Variants in SRCIN1 observed in about 807,000 individuals in gnomAD.
SRCIN1 encodes the protein SRC kinase signaling inhibitor 1.
A neutral mutation model predicts 116.2 loss-of-function variants in SRCIN1; 50 were observed. That is an observed-to-expected ratio of 0.43 (90% CI 0.34 to 0.54). The LOEUF is 0.54. SRCIN1 is among the 20% of genes least tolerant of loss of function. The pLI is 0.02. For synonymous variants in SRCIN1, 736 were observed against 750.0 expected (o/e 0.98, Z 0.30); for missense variants, 1,446 against 1,672.0 (o/e 0.86, Z 2.36).
Position 38,552,494 on chromosome 17 carries a change from G to A in SRCIN1, c.2433C>T (p.Leu811=). ...CCGTGACCCCGCGGCAGCGCTTGAG[G>A]AGCCCATCCAGGCGCTGGGGCTCCT... ...LKEEPQRLDG[L]LKRCRGVTDT... Residue 811 remains leucine, a synonymous_variant, in exon 13 of 19, where the codon CTC becomes CTT. Coordinates refer to ENST00000617146, the MANE Select transcript of SRCIN1 (RefSeq NM_025248.3). This position sits in a 1 kb window ranked among gnomAD's most constrained non-coding sequence, Gnocchi z 5.3. 1 of 1,604,744 alleles carries A rather than the reference G, an allele frequency of 6.2e-7. No individual in the cohort carries two copies. Among genetic ancestry groups the A allele is most frequent in the South Asian group, 1.1e-5 (1 of 89,584 alleles).
intron 11 of SRCIN1, among the ~76,000 whole-genome samples, chr17:38,553,982 T>A (rs1288180409): frequency 6.6e-6 from 1 of 152,110 alleles, no homozygotes; most frequent in Non-Finnish European, 1.5e-5. Flanking sequence ...GAGGCCGAGG[T>A]GGGCTGATCA....
intron 1 of SRCIN1, among the ~76,000 whole-genome samples, chr17:38,589,846 C>G (rs889827500): frequency 3.9e-5 from 6 of 152,210 alleles, no homozygotes; most frequent in Non-Finnish European, 8.8e-5. Flanking sequence ...GATTCTCTCT[C>G]CCTAGGGACA....
Position 38,562,684 on chromosome 17 carries a change from A to G in SRCIN1, c.834+143T>C, listed in dbSNP as rs955824839. ...AATGGAGGGGAAAGTGGCAGGTGGGACAGGGGCTCTTCCCTAACCCCTCAG... is the reference window on the plus strand; with the variant it reads ...AATGGAGGGGAAAGTGGCAGGTGGGGCAGGGGCTCTTCCCTAACCCCTCAG... On this transcript the variant is annotated intron_variant, in intron 6 of 18. Transcript: ENST00000617146. The surrounding 1 kb of genome is among the most constrained non-coding windows in gnomAD (Gnocchi z 4.2). 1.3e-5 allele frequency: 9 copies of G among 716,522 alleles called. No homozygotes were observed. Among genetic ancestry groups the G allele is most frequent in the South Asian group, 5.2e-5 (3 of 57,872 alleles). 44.4% of individuals were successfully genotyped at this position (716,522 alleles called of 1,614,324 possible).
chr17:38,567,504 G>T (rs1906800321), intron 3 of SRCIN1, among the ~76,000 whole-genome samples: 1 of 152,168 alleles, frequency 6.6e-6, no homozygotes, highest in East Asian at 1.9e-4. Flanking sequence ...CACCTGGGGA[G>T]TCTGGGTGGG....
intron 7 of SRCIN1, among the ~76,000 whole-genome samples, chr17:38,560,990 G>T (rs1165581922): frequency 3.9e-5 from 6 of 152,216 alleles, no homozygotes; most frequent in Admixed American, 3.9e-4. Context: ...GATGGGCAGG[G>T]GCTCCTCAGC....
intron 1 of SRCIN1, among the ~76,000 whole-genome samples, chr17:38,599,956 C>T (rs1484281716): frequency 2.0e-5 from 3 of 152,198 alleles, no homozygotes; most frequent in African/African-American, 7.2e-5. Flanking sequence ...AGATGTCTGT[C>T]CCCTATCCCC....
rs576897529 is a variant in SRCIN1, at chr17:38,558,373, C to A, written c.2055G>T (p.Leu685=). The change falls in exon 11 of 19, where the codon CTG becomes CTT. Residue 685 remains leucine, a synonymous_variant. Transcript: ENST00000617146. The surrounding 1 kb of genome is among the most constrained non-coding windows in gnomAD (Gnocchi z 4.6). ...QLQNQESVRA[L]LKRTEAELSM... is the part of the protein sequence containing the mutation. ...TCAGCTCTGCCTCCGTGCGCTTCAG[C>A]AGCGCGCGCACCGACTCCTGGTTCT... 1 of 1,605,472 alleles carries A rather than the reference C, an allele frequency of 6.2e-7. No homozygotes were observed.
intron 11 of SRCIN1, among the ~76,000 whole-genome samples, chr17:38,556,027 C>T (rs897606657): frequency 3.9e-5 from 6 of 152,182 alleles, no homozygotes; most frequent in Admixed American, 2.0e-4. Flanking sequence ...GTTGGGGGGC[C>T]TCTAACCTGG....
intron 3 of SRCIN1, among the ~76,000 whole-genome samples, chr17:38,565,408 TA>T (rs1177291024): frequency 4.6e-5 from 7 of 152,250 alleles, no homozygotes; most frequent in African/African-American, 1.7e-4. Flanking sequence ...TGCCCAATTA[TA>T]TTTTTTTGTA....
At position 38,563,558 on chromosome 17, in the gene SRCIN1, C is replaced by A. The variant is rs118094989; in HGVS notation, c.542-37G>T. 1,226 of 1,540,492 alleles carry A rather than the reference C, an allele frequency of 8.0e-4. 22 individuals are homozygous for A. The East Asian group carries it at 0.027, about 34-fold the overall frequency. On this transcript the variant is annotated intron_variant, in intron 4 of 18. Coordinates refer to ENST00000617146, the MANE Select transcript of SRCIN1 (RefSeq NM_025248.3). The surrounding 1 kb of genome is among the most constrained non-coding windows in gnomAD (Gnocchi z 5.8). ...ACGCCGCCCTCGCTGTCACTGCTGC[C>A]GTCTCCACGCCGCCCTCCAGGAGAG...
At chr17:38,573,687 G>A (rs2143285911) in intron 2 of SRCIN1, among the ~76,000 whole-genome samples, 2 of 152,292 alleles carry the variant, frequency 1.3e-5, no homozygotes, top group Middle Eastern at 3.4e-3. Flanking sequence ...GAGGACCTCT[G>A]GGCAGACAAG....
chr17:38,598,705 C>T (rs1411581669), intron 1 of SRCIN1, among the ~76,000 whole-genome samples: 4 of 152,194 alleles, frequency 2.6e-5, no homozygotes, highest in South Asian at 2.1e-4. Context: ...TGCAGGCAAC[C>T]GAGGCAGGTG....
intron 2 of SRCIN1, chr17:38,574,839 A>G (rs1907306805): frequency 5.0e-6 from 2 of 399,994 alleles, no homozygotes; most frequent in Admixed American, 8.8e-5. Flanking sequence ...AAACTCCACC[A>G]TGGGCTTGGG....
At position 38,566,865 on chromosome 17, in the gene SRCIN1, G is replaced by T. The variant is rs71384242; in HGVS notation, c.345+1346C>A. On this transcript the variant is annotated intron_variant, in intron 3 of 18. Coordinates refer to ENST00000617146, the MANE Select transcript of SRCIN1 (RefSeq NM_025248.3). The stretch of plus-strand genomic sequence containing the variant: ...GTTTTGTTTTGTTTTGTTTTGTTTC[G>T]TTTCCTTCCTTCCTTCCTTCCTTCC... 1.9e-3 allele frequency among the ~76,000 whole-genome samples: 116 copies of T among 61,160 alleles called. 1 individual carries two copies. Among genetic ancestry groups the T allele is most frequent in the Non-Finnish European group, 3.7e-3 (101 of 27,038 alleles). 40.1% of individuals were successfully genotyped at this position (61,160 alleles called of 152,430 possible). A position where few individuals can be genotyped will look rare whatever the true frequency, so the allele number is the denominator to read the frequency against.
At chr17:38,582,259 G>A (rs1310146597) in intron 1 of SRCIN1, among the ~76,000 whole-genome samples, 2 of 152,190 alleles carry the variant, frequency 1.3e-5, no homozygotes, top group Non-Finnish European at 2.9e-5. Context: ...CCTCCTGGGG[G>A]ATCTCAGTGT....
At position 38,563,210 on chromosome 17, in the gene SRCIN1, G is replaced by T; in HGVS notation, c.740+113C>A. ...GGCGGTAGGGCTCTGGGAGGGGAGGGGAAAGGCTGAGGTCGGGTCAGGAAG... is the reference window on the plus strand; with the variant it reads ...GGCGGTAGGGCTCTGGGAGGGGAGGTGAAAGGCTGAGGTCGGGTCAGGAAG... On this transcript the variant is annotated intron_variant, in intron 5 of 18. Transcript: ENST00000617146. This position sits in a 1 kb window ranked among gnomAD's most constrained non-coding sequence, Gnocchi z 5.8. The T allele has an allele frequency of 1.6e-6, 2 of 1,245,148 alleles. No individual in the cohort carries two copies. The allele number at this position is 1,245,148 out of a possible 1,614,324, so 77.1% of individuals were successfully genotyped here. A position where few individuals can be genotyped will look rare whatever the true frequency, so the allele number is the denominator to read the frequency against.
chr17:38,587,505 C>A, intron 1 of SRCIN1, among the ~76,000 whole-genome samples: 1 of 152,094 alleles, frequency 6.6e-6, no homozygotes, highest in East Asian at 1.9e-4. Context: ...AGGCAGGAAA[C>A]CAACACCCAG....
At chr17:38,560,846 C>T (rs1289371634) in intron 7 of SRCIN1, among the ~76,000 whole-genome samples, 1 of 152,218 alleles carries the variant, frequency 6.6e-6, no homozygotes, top group East Asian at 1.9e-4. Flanking sequence ...GCAGCGCCTG[C>T]CACACAGGCC....
rs548390081 is a variant in SRCIN1, at chr17:38,558,647, T to C, written c.2026-245A>G. Among the ~76,000 whole-genome samples, 1 of 149,934 alleles carries C rather than the reference T, an allele frequency of 6.7e-6. No individual in the cohort carries two copies. Among genetic ancestry groups the C allele is most frequent in the South Asian group, 2.1e-4 (1 of 4,770 alleles). On this transcript the variant is annotated intron_variant, in intron 10 of 18. Transcript: ENST00000617146. The surrounding 1 kb of genome is among the most constrained non-coding windows in gnomAD (Gnocchi z 4.6). ...AGAACAGAGGCAGGAGGAGAACGGA[T>C]GGGGATCGTGGAGAGGGGAGCGTTA... is the stretch of plus-strand genomic sequence containing the variant.
Sources: gnomAD v4.1 joint callset for allele counts (sites outside exome capture counted in the v4.1 genomes callset) on GRCh38, gnomAD v4.1.1 for gene constraint, Gnocchi (gnomAD v3.1) non-coding constraint, MANE v1.5 for transcripts, NCBI Gene and HGNC (gene_info 2026-07-23, HGNC 2026-07-21) for gene names.